The following SUCLG2 variants were observed in gnomAD, a reference collection of about 807,000 sequenced individuals.
SUCLG2 encodes the protein succinate--CoA ligase [GDP-forming] subunit beta, mitochondrial.
In SUCLG2, 42 loss-of-function variants were observed where a neutral mutation model predicts 47.9. The observed-to-expected ratio is 0.88, with a 90% CI of 0.69 to 1.14. The LOEUF is 1.14. Ranked by LOEUF, SUCLG2 falls within the 50% of genes most tolerant of loss-of-function variation. The pLI is 0.00. For missense variants in SUCLG2, 571 were observed against 525.9 expected (o/e 1.09, Z -0.84); for synonymous variants, 195 against 197.3 (o/e 0.99, Z 0.10).
Position 67,496,095 on chromosome 3 carries a change from T to C in SUCLG2, c.920-155A>G, listed in dbSNP as rs570807597. On this transcript the variant is annotated intron_variant, in intron 8 of 10. Coordinates refer to ENST00000307227, the MANE Select transcript of SUCLG2 (RefSeq NM_003848.4). ...AATTCCATTAAACCAGATTAGTTCA[T>C]AGACTTTTAGGATAAAGAATCAGGA... 4.8e-4 allele frequency among the ~76,000 whole-genome samples: 73 copies of C among 152,280 alleles called. No homozygotes were observed. The Middle Eastern group carries it at 0.01, about 21-fold the overall frequency.
chr3:67,563,917 G>A (rs933143413), intron 2 of SUCLG2, among the ~76,000 whole-genome samples: 2 of 145,528 alleles, frequency 1.4e-5, no homozygotes, highest in Non-Finnish European at 3.0e-5. Context: ...CGGAGATCTC[G>A]CTGCTGCACT....
chr3:67,500,109 C>T (rs1705456919), intron 7 of SUCLG2, among the ~76,000 whole-genome samples: 1 of 152,198 alleles, frequency 6.6e-6, no homozygotes, highest in Non-Finnish European at 1.5e-5. Context: ...CTATTCTCCT[C>T]CAGCATTGCT....
intron 2 of SUCLG2, among the ~76,000 whole-genome samples, chr3:67,547,569 T>C (rs1706898820): frequency 6.6e-6 from 1 of 152,178 alleles, no homozygotes; most frequent in South Asian, 2.1e-4. Context: ...TGGAACAGTC[T>C]GTCATAATGC....
In SUCLG2 at chr3:67,461,712, C is replaced by T. The variant is rs1704340147; in HGVS notation, c.1062+34086G>A. ...TCCTGCCAGATGCTAGTAGCATACC[C>T]ACTCCAAAATGACAATAATAAATGT... On this transcript the variant is annotated intron_variant, in intron 9 of 10. Coordinates refer to ENST00000307227, the MANE Select transcript of SUCLG2 (RefSeq NM_003848.4). Among the ~76,000 whole-genome samples, 4 of 152,098 alleles carry T rather than the reference C, an allele frequency of 2.6e-5. 1 individual carries two copies. The highest frequency in any genetic ancestry group is 1.3e-4 in the Admixed American group (2 of 15,268).
chr3:67,434,194 A>C (rs1207584421), intron 9 of SUCLG2, among the ~76,000 whole-genome samples: 1 of 152,198 alleles, frequency 6.6e-6, no homozygotes. Flanking sequence ...TCTGTTGTTT[A>C]ACATAATCAA....
At chr3:67,473,354 G>A (rs1704652114) in intron 9 of SUCLG2, among the ~76,000 whole-genome samples, 1 of 151,952 alleles carries the variant, frequency 6.6e-6, no homozygotes, top group African/African-American at 2.4e-5. Flanking sequence ...AATGACTATT[G>A]TAAAGGATTA....
chr3:67,374,930 G>A lies in SUCLG2; in HGVS notation c.*814C>T, dbSNP rs1217970657. On this transcript the variant is annotated 3_prime_UTR_variant, in exon 11 of 11. Transcript: ENST00000307227. ...GAGAGAAACGAGGAGAGAAGATAGT[G>A]ATACTAAACACAATTTGATCTTCAG... 2.0e-6 allele frequency: 2 copies of A among 985,416 alleles called. No homozygotes were observed. The highest frequency in any genetic ancestry group is 2.4e-6 in the Non-Finnish European group (2 of 829,854). The allele number at this position is 985,416 out of a possible 1,614,324, so 61.0% of individuals were successfully genotyped here. A position where few individuals can be genotyped will look rare whatever the true frequency, so the allele number is the denominator to read the frequency against.
chr3:67,384,540 T>C (rs924906747), intron 10 of SUCLG2, among the ~76,000 whole-genome samples: 1 of 152,210 alleles, frequency 6.6e-6, no homozygotes, highest in Non-Finnish European at 1.5e-5. Context: ...CAGAAAAAGT[T>C]TGTAGACCTT....
intron 9 of SUCLG2, among the ~76,000 whole-genome samples, chr3:67,448,240 C>CA (rs1470073323): frequency 2.0e-5 from 3 of 152,026 alleles, no homozygotes; most frequent in Non-Finnish European, 2.9e-5. Context: ...TTATGGAATG[C>CA]AGTCATAAAA....
At chr3:67,471,360 G>T (rs574152502) in intron 9 of SUCLG2, among the ~76,000 whole-genome samples, 2 of 152,276 alleles carry the variant, frequency 1.3e-5, no homozygotes, top group Non-Finnish European at 2.9e-5. Context: ...CCAAATCTTT[G>T]TAAGACAGAA....
intron 2 of SUCLG2, among the ~76,000 whole-genome samples, chr3:67,565,793 C>T (rs1707438773): frequency 6.6e-6 from 1 of 152,222 alleles, no homozygotes. Context: ...CTTGGAGCCT[C>T]TCCACAATGG....
intron 10 of SUCLG2, among the ~76,000 whole-genome samples, chr3:67,380,350 G>T (rs1702128098): frequency 6.6e-6 from 1 of 152,204 alleles, no homozygotes; most frequent in East Asian, 1.9e-4. Context: ...CCTTGCTCCA[G>T]GCTAACACTG....
intron 2 of SUCLG2, among the ~76,000 whole-genome samples, chr3:67,595,966 A>G (rs1708283856): frequency 6.6e-6 from 1 of 152,254 alleles, no homozygotes; most frequent in Non-Finnish European, 1.5e-5. Flanking sequence ...CTAAGACATC[A>G]GGATGGCAGA....
At chr3:67,467,243 A>G (rs1056977864) in intron 9 of SUCLG2, among the ~76,000 whole-genome samples, 17 of 152,340 alleles carry the variant, frequency 1.1e-4, no homozygotes, top group African/African-American at 3.8e-4. Context: ...GAAATCTTTT[A>G]CTATACTAGC....
At chr3:67,486,743 C>CA (rs1005535103) in intron 9 of SUCLG2, among the ~76,000 whole-genome samples, 1 of 151,830 alleles carries the variant, frequency 6.6e-6, no homozygotes, top group African/African-American at 2.4e-5. Context: ...ATCATACACA[C>CA]AAAAAAGGAC....
intron 10 of SUCLG2, among the ~76,000 whole-genome samples, chr3:67,397,095 C>T (rs1332023687): frequency 6.6e-6 from 1 of 151,296 alleles, no homozygotes; most frequent in Non-Finnish European, 1.5e-5. Context: ...TGGAAGCATT[C>T]CCTTTGAAAA....
At chr3:67,606,515 C>T (rs1231364288) in intron 2 of SUCLG2, among the ~76,000 whole-genome samples, 2 of 152,162 alleles carry the variant, frequency 1.3e-5, no homozygotes, top group Non-Finnish European at 2.9e-5. Flanking sequence ...TCTTTGCTCT[C>T]ACTTCCCAAT....
intron 9 of SUCLG2, among the ~76,000 whole-genome samples, chr3:67,492,146 G>A (rs1455614974): frequency 1.3e-5 from 2 of 152,190 alleles, no homozygotes; most frequent in African/African-American, 4.8e-5. Flanking sequence ...AATCCAATGA[G>A]GTGCCTTTAC....
intron 2 of SUCLG2, among the ~76,000 whole-genome samples, chr3:67,585,912 A>G (rs1372542300): frequency 7.0e-6 from 1 of 142,166 alleles, no homozygotes; most frequent in Non-Finnish European, 1.5e-5. Context: ...GGTAGCAGTG[A>G]GCCGAGATCA....
Sources: gnomAD v4.1 joint callset for allele counts (sites outside exome capture counted in the v4.1 genomes callset) on GRCh38, gnomAD v4.1.1 for gene constraint, MANE v1.5 for transcripts, NCBI Gene and HGNC (gene_info 2026-07-23, HGNC 2026-07-21) for gene names.